HYAL4: variants seen among roughly 807,000 people sequenced by gnomAD.
HYAL4 encodes the protein hyaluronidase 4.
A neutral mutation model predicts 35.2 loss-of-function variants in HYAL4; 37 were observed. That is an observed-to-expected ratio of 1.05 (90% CI 0.81 to 1.38). The LOEUF is 1.38. HYAL4 is among the 40% of genes most tolerant of loss of function. HYAL4 has a pLI of 0.00. For synonymous variants in HYAL4, 198 were observed against 203.2 expected (o/e 0.97, Z 0.22); for missense variants, 572 against 572.4 (o/e 1.00, Z 0.01).
At chr7:123,811,122 G>T in the HYAL4 span, among the ~76,000 whole-genome samples, 2,073 of 152,216 alleles carry the variant, frequency 0.014, 31 homozygotes, top group African/African-American at 0.034. Context: ...TACAGATTTT[G>T]GCAATTATGA....
chr7:123,779,666 A>T, the HYAL4 span, among the ~76,000 whole-genome samples: 4 of 152,110 alleles, frequency 2.6e-5, no homozygotes, highest in Admixed American at 1.3e-4. Flanking sequence ...AATAAAAAAA[A>T]TTTTAAAATT....
At chr7:123,816,391 C>A in the HYAL4 span, among the ~76,000 whole-genome samples, 7 of 152,170 alleles carry the variant, frequency 4.6e-5, no homozygotes, top group South Asian at 1.5e-3. Flanking sequence ...TATCTTAAAT[C>A]CTTTTCAGAA....
the HYAL4 span, among the ~76,000 whole-genome samples, chr7:123,821,495 G>A: frequency 3.9e-5 from 6 of 151,964 alleles, no homozygotes; most frequent in African/African-American, 1.4e-4. Context: ...TCTTTGATTG[G>A]GTTATATATA....
upstream of HYAL4, among the ~76,000 whole-genome samples, chr7:123,828,426 T>TCACACA (rs1805831345): frequency 1.9e-5 from 1 of 53,042 alleles, no homozygotes; most frequent in Non-Finnish European, 4.2e-5. Flanking sequence ...TTGTTCATAA[T>TCACACA]TACACACACA....
chr7:123,817,051 C>T, the HYAL4 span, among the ~76,000 whole-genome samples: 5 of 152,196 alleles, frequency 3.3e-5, no homozygotes, highest in East Asian at 7.7e-4. Flanking sequence ...GGAAAGCTTA[C>T]AGTGGCGTGA....
chr7:123,815,248 T>G, the HYAL4 span, among the ~76,000 whole-genome samples: 3 of 152,188 alleles, frequency 2.0e-5, no homozygotes. Context: ...ATAATGATTC[T>G]TACCAGCTTA....
chr7:123,843,859 G>A (rs1806120897), upstream of HYAL4, among the ~76,000 whole-genome samples: 1 of 151,732 alleles, frequency 6.6e-6, no homozygotes, highest in Non-Finnish European at 1.5e-5. Context: ...GTCATTTAAG[G>A]TCTTCTCCAC....
the HYAL4 span, among the ~76,000 whole-genome samples, chr7:123,810,584 C>G: frequency 6.6e-6 from 1 of 152,134 alleles, no homozygotes; most frequent in Admixed American, 6.5e-5. Context: ...CTCCCTTCTC[C>G]CTGACATCAC....
upstream of HYAL4, among the ~76,000 whole-genome samples, chr7:123,844,853 CCT>C (rs1806143464): frequency 6.6e-6 from 1 of 152,156 alleles, no homozygotes; most frequent in Non-Finnish European, 1.5e-5. Context: ...ACGGGAATCA[CCT>C]TGTCTACTGG....
the HYAL4 span, among the ~76,000 whole-genome samples, chr7:123,765,739 T>C: frequency 6.6e-6 from 1 of 152,152 alleles, no homozygotes; most frequent in East Asian, 1.9e-4. Context: ...ACCAACACAG[T>C]GCATCTCTTT....
At chr7:123,805,121 T>A in the HYAL4 span, among the ~76,000 whole-genome samples, 156 of 152,338 alleles carry the variant, frequency 1.0e-3, 1 homozygote, top group Middle Eastern at 3.4e-3. Flanking sequence ...AGGTTTCCTA[T>A]AATATAATCT....
At chr7:123,825,869 T>C (rs919716208), upstream of HYAL4, among the ~76,000 whole-genome samples, 1 of 152,134 alleles carries the variant, frequency 6.6e-6, no homozygotes, top group African/African-American at 2.4e-5. Flanking sequence ...TTATTTCTTT[T>C]CATGAGATTG....
the HYAL4 span, among the ~76,000 whole-genome samples, chr7:123,764,322 A>G: frequency 6.6e-6 from 1 of 152,136 alleles, no homozygotes; most frequent in Non-Finnish European, 1.5e-5. Context: ...GCCTTCTCTG[A>G]ATTTCCCGGG....
At chr7:123,803,967 G>A in the HYAL4 span, among the ~76,000 whole-genome samples, 2 of 152,060 alleles carry the variant, frequency 1.3e-5, no homozygotes, top group African/African-American at 4.8e-5. Flanking sequence ...AACTCACATG[G>A]CATTCTGGGT....
At chr7:123,857,046 G>A (rs897303549) in intron 2 of HYAL4, among the ~76,000 whole-genome samples, 4 of 152,106 alleles carry the variant, frequency 2.6e-5, no homozygotes, top group African/African-American at 7.2e-5. Context: ...CACCAAGCTC[G>A]AGCATCCCAG....
rs1488447507 is a variant in HYAL4 at position 123,861,348 on chromosome 7, C to A, written c.-51-6875C>A. ...ACCACTGGATGGCTTTTTAGTTCAA[C>A]AACTTTAATTAAAAACCTGAAGACA... On this transcript the variant is annotated intron_variant, in intron 2 of 4. Coordinates refer to ENST00000223026, the MANE Select transcript of HYAL4 (RefSeq NM_012269.3). Among the ~76,000 whole-genome samples, 15 of 152,126 alleles carry A rather than the reference C, an allele frequency of 9.9e-5. 1 individual carries two copies. The highest frequency in any genetic ancestry group is 9.8e-4 in the Admixed American group (15 of 15,272).
chr7:123,775,758 T>C, the HYAL4 span, among the ~76,000 whole-genome samples: 1 of 152,230 alleles, frequency 6.6e-6, no homozygotes, highest in Non-Finnish European at 1.5e-5. Flanking sequence ...CATCTTTAGA[T>C]GACAGACCAA....
chr7:123,871,205 T>A (rs921895291), intron 3 of HYAL4, among the ~76,000 whole-genome samples: 11 of 151,906 alleles, frequency 7.2e-5, no homozygotes, highest in African/African-American at 2.4e-4. Context: ...TTTTTTTTTT[T>A]TTTTTAGATG....
chr7:123,841,383 G>A (rs752872868), upstream of HYAL4, among the ~76,000 whole-genome samples: 26 of 151,874 alleles, frequency 1.7e-4, 1 homozygote, highest in African/African-American at 5.6e-4. Context: ...TGCTGGATTC[G>A]GTTTGCCAGT....
Sources: allele counts gnomAD v4.1 joint callset (sites outside exome capture counted in the v4.1 genomes callset), GRCh38; gene constraint gnomAD v4.1.1; transcripts MANE v1.5; gene names NCBI Gene and HGNC (gene_info 2026-07-23, HGNC 2026-07-21).